Variants in DDX10 observed in about 807,000 individuals in gnomAD.
The protein encoded by DDX10 is probable ATP-dependent RNA helicase DDX10.
DDX10 carries 74 observed loss-of-function variants against 104.3 expected under a neutral mutation model. That is an observed-to-expected ratio of 0.71 (90% CI 0.59 to 0.86). DDX10 has a LOEUF of 0.86. DDX10 is among the 40% of genes least tolerant of loss of function. The probability of loss-of-function intolerance (pLI) is 0.00; values close to 1 mark genes in which losing one functional copy is unlikely to be tolerated. For missense variants in DDX10, 952 were observed against 1,040.0 expected, an observed-to-expected ratio of 0.92 and a Z score of 1.16; for synonymous variants, 351 against 353.4, an observed-to-expected ratio of 0.99 and a Z score of 0.08.
intron 13 of DDX10, among the ~76,000 whole-genome samples, chr11:108,782,883 A>G (rs1861727250): frequency 2.0e-5 from 3 of 152,190 alleles, no homozygotes; most frequent in Admixed American, 2.0e-4. Context: ...TAGGCTTGAC[A>G]GGTTAACTTC....
At chr11:108,817,178 G>A (rs982021351) in intron 13 of DDX10, among the ~76,000 whole-genome samples, 2 of 152,174 alleles carry the variant, frequency 1.3e-5, no homozygotes, top group African/African-American at 4.8e-5. Flanking sequence ...GTTAAGTGAG[G>A]ACTTGCTGTA....
intron 13 of DDX10, among the ~76,000 whole-genome samples, chr11:108,784,248 A>G (rs1861754807): frequency 6.6e-6 from 1 of 152,200 alleles, no homozygotes. Flanking sequence ...CAAAGTGGCT[A>G]AACTAGTTTG....
chr11:108,809,930 G>A (rs954479210), intron 13 of DDX10, among the ~76,000 whole-genome samples: 5 of 152,158 alleles, frequency 3.3e-5, no homozygotes, highest in African/African-American at 1.2e-4. Flanking sequence ...TGAAGAAGCG[G>A]TAATAAACAT....
chr11:108,685,615 A>G (rs928606837), intron 6 of DDX10, among the ~76,000 whole-genome samples: 1 of 151,984 alleles, frequency 6.6e-6, no homozygotes, highest in African/African-American at 2.4e-5. Flanking sequence ...TAAAGACCAT[A>G]GTCTAAGTGC....
intron 17 of DDX10, among the ~76,000 whole-genome samples, chr11:108,936,556 C>G (rs1864040217): frequency 6.6e-6 from 1 of 152,104 alleles, no homozygotes; most frequent in Non-Finnish European, 1.5e-5. Context: ...TTTTTCTATG[C>G]AAACTTACAT....
chr11:108,890,799 G>T (rs185875427), intron 16 of DDX10, among the ~76,000 whole-genome samples: 1 of 152,044 alleles, frequency 6.6e-6, no homozygotes, highest in East Asian at 1.9e-4. Flanking sequence ...GGGAGGAACC[G>T]TGGAAATACT....
At chr11:108,678,131 AAAGACTTTTAT>A (rs1411119560) in intron 4 of DDX10, among the ~76,000 whole-genome samples, 173 bp from the exon 5 acceptor site, 1 of 152,184 alleles carries the variant, frequency 6.6e-6, no homozygotes, top group Non-Finnish European at 1.5e-5. Context: ...GTCTTCCTGT[AAAGACTTTTAT>A]TTAGCCCAGA....
chr11:108,834,672 A>T (rs1465236565), intron 13 of DDX10, among the ~76,000 whole-genome samples: 1 of 152,110 alleles, frequency 6.6e-6, no homozygotes, highest in African/African-American at 2.4e-5. Flanking sequence ...TTCTGTCTTT[A>T]GATGAGGTCT....
chr11:108,701,916 C>G (rs1004656882), intron 9 of DDX10, among the ~76,000 whole-genome samples: 2 of 152,060 alleles, frequency 1.3e-5, no homozygotes, highest in Non-Finnish European at 2.9e-5. Flanking sequence ...AAACTCCTGA[C>G]CTCAGGTGAT....
chr11:108,766,484 C>G (rs2094356506), intron 13 of DDX10, among the ~76,000 whole-genome samples: 1 of 152,166 alleles, frequency 6.6e-6, no homozygotes, highest in Admixed American at 6.5e-5. Context: ...TTCTTTAGAT[C>G]TCATATTATC....
At chr11:108,937,332 G>GA (rs1205210894) in intron 17 of DDX10, among the ~76,000 whole-genome samples, 4 of 152,100 alleles carry the variant, frequency 2.6e-5, no homozygotes, top group Non-Finnish European at 4.4e-5. Flanking sequence ...ACAAGTATCT[G>GA]AAAAAATTAA....
intron 9 of DDX10, among the ~76,000 whole-genome samples, chr11:108,703,513 A>G (rs1283640681): frequency 1.3e-5 from 2 of 152,124 alleles, no homozygotes; most frequent in Non-Finnish European, 2.9e-5. Context: ...TATTTTTAGT[A>G]GAGACAGGGT....
chr11:108,673,217 T>C (rs1300755040), intron 1 of DDX10, among the ~76,000 whole-genome samples: 1 of 152,198 alleles, frequency 6.6e-6, no homozygotes, highest in Non-Finnish European at 1.5e-5. Flanking sequence ...GATAGTAGTA[T>C]GTGTGGTGTG....
At chr11:108,746,296 G>A (rs761390214) in intron 13 of DDX10, among the ~76,000 whole-genome samples, 75 of 151,452 alleles carry the variant, frequency 5.0e-4, no homozygotes, top group Admixed American at 9.8e-4. Flanking sequence ...TGGAATCACA[G>A]TAAGTGTCTT....
At chr11:108,912,668 A>G (rs987326226) in intron 16 of DDX10, among the ~76,000 whole-genome samples, 2 of 152,194 alleles carry the variant, frequency 1.3e-5, no homozygotes, top group Non-Finnish European at 2.9e-5. Flanking sequence ...AGATAGCTAC[A>G]AAGATAAAAA....
At chr11:108,938,150 A>G (rs1864059990) in intron 17 of DDX10, among the ~76,000 whole-genome samples, 1 of 152,136 alleles carries the variant, frequency 6.6e-6, no homozygotes, top group Admixed American at 6.5e-5. Context: ...TTATTTTGTT[A>G]CATTATCCCC....
At chr11:108,675,797 T>A (rs2094224243) in intron 3 of DDX10, 71 bp downstream of exon 3, 1 of 1,545,412 alleles carries the variant, frequency 6.5e-7, no homozygotes, top group African/African-American at 1.4e-5. Flanking sequence ...AGATGCAGAT[T>A]ATATAAAGAG....
chr11:108,838,448 G>T lies in DDX10; in HGVS notation c.1968G>T (p.Lys656Asn). 1 of 1,609,274 alleles carries T rather than the reference G, an allele frequency of 6.2e-7. No homozygotes were observed. The highest frequency in any genetic ancestry group is 8.5e-7 in the Non-Finnish European group (1 of 1,178,652). Reference protein sequence around the residue: ...LDLKDEKTLQKKEPSKSSIKK... With the variant: ...LDLKDEKTLQNKEPSKSSIKK... ...GTTTTTTGTATGTTCTCACACAGAAGAAAGAACCTTCTAAATCCAGCATCA... is the reference window on the plus strand; with the variant it reads ...GTTTTTTGTATGTTCTCACACAGAATAAAGAACCTTCTAAATCCAGCATCA... The change falls in exon 14 of 18, where the codon AAG becomes AAT. Residue 656 changes from lysine to asparagine, a missense_variant and splice_region_variant. Lys to Asn is a moderately conservative substitution (Grantham distance 94). This residue lies in a region of DDX10 where 533 missense variants were observed against 534.1 expected (regional missense o/e 1.00). Transcript: ENST00000322536.
At chr11:108,841,908 G>A (rs1359982797) in intron 15 of DDX10, among the ~76,000 whole-genome samples, 3 of 152,150 alleles carry the variant, frequency 2.0e-5, no homozygotes, top group Non-Finnish European at 2.9e-5. Flanking sequence ...TGGAGACAGA[G>A]CCAAGTTGTG....
Sources: allele counts gnomAD v4.1 joint callset (sites outside exome capture counted in the v4.1 genomes callset), GRCh38; gene constraint gnomAD v4.1.1; regional missense constraint gnomAD v4.1.1; transcripts MANE v1.5; gene names NCBI Gene and HGNC (gene_info 2026-07-23, HGNC 2026-07-21).